The following COX8A variants were observed in gnomAD, a reference collection of about 807,000 sequenced individuals.
COX8A encodes cytochrome c oxidase subunit 8A.
A neutral mutation model predicts 4.4 loss-of-function variants in COX8A; 6 were observed. The ratio of observed to expected loss-of-function variants is 1.36; its 90% CI spans 0.74 to 2.68. The LOEUF is 2.68. Ranked by LOEUF, COX8A falls within the 30% of genes most tolerant of loss-of-function variation. The pLI, the probability that COX8A is intolerant of heterozygous loss-of-function variation, is 0.00. For synonymous variants in COX8A, 53 were observed against 47.1 expected, an observed-to-expected ratio of 1.12 and a Z score of -0.51; for missense variants, 72 against 89.6, an observed-to-expected ratio of 0.80 and a Z score of 0.79.
intron 1 of COX8A, among the ~76,000 whole-genome samples, chr11:63,975,826 C>G (rs1379005804): frequency 6.6e-6 from 1 of 151,660 alleles, no homozygotes; most frequent in Non-Finnish European, 1.5e-5. Flanking sequence ...GTGATCCGCC[C>G]GCCTTGGCCT....
rs1399125440 is a variant in COX8A, at chr11:63,976,477, T to C, written c.*157T>C. 1.5e-6 allele frequency: 1 copy of C among 649,098 alleles called. No individual in the cohort carries two copies. The highest frequency in any genetic ancestry group is 2.7e-6 in the Non-Finnish European group (1 of 371,536). The allele number at this position is 649,098 out of a possible 1,614,324, so 40.2% of individuals were successfully genotyped here. A position where few individuals can be genotyped will look rare whatever the true frequency, so the allele number is the denominator to read the frequency against. ...ACCTCTTGATGTCTCCATGGTGACC[T>C]CCTTGGGGGTCACTGACCCTGCTTG... On this transcript the variant is annotated 3_prime_UTR_variant, in exon 2 of 2. Coordinates refer to ENST00000314133, the MANE Select transcript of COX8A (RefSeq NM_004074.3).
chr11:63,974,653 C>T lies in COX8A; in HGVS notation c.-28C>T, dbSNP rs756789173. 4.4e-6 allele frequency: 7 copies of T among 1,580,482 alleles called. No homozygotes were observed. The highest frequency in any genetic ancestry group is 3.4e-5 in the South Asian group (3 of 87,520). On this transcript the variant is annotated 5_prime_UTR_variant, in exon 1 of 2. Transcript: ENST00000314133. ...TTCCTGACCTTGGGCTACGGCTGAC[C>T]GTTTTTTGTGGTGTACTCCGTGCCA...
Position 63,976,448 on chromosome 11 carries a change from C to T in COX8A, c.*128C>T, listed in dbSNP as rs1221018108. On this transcript the variant is annotated 3_prime_UTR_variant, in exon 2 of 2. Transcript: ENST00000314133. ...CAATTCCAGTCACCTCTTCTGCAAT[C>T]ATGACCTCTTGATGTCTCCATGGTG... 1.3e-5 allele frequency: 11 copies of T among 840,674 alleles called. No homozygotes were observed. The highest frequency in any genetic ancestry group is 2.1e-5 in the Admixed American group (1 of 48,512). The allele number at this position is 840,674 out of a possible 1,614,324, so 52.1% of individuals were successfully genotyped here. A position where few individuals can be genotyped will look rare whatever the true frequency, so the allele number is the denominator to read the frequency against.
intron 1 of COX8A, 139 bp downstream of exon 1, chr11:63,974,933 G>C (rs1323752259): frequency 1.3e-6 from 1 of 776,008 alleles, no homozygotes; most frequent in Non-Finnish European, 2.0e-6. Flanking sequence ...CATGTCTGGA[G>C]GGCGCGAACG....
At position 63,976,259 on chromosome 11, in the gene COX8A, C is replaced by G. The variant is rs1565181156; in HGVS notation, c.149C>G (p.Thr50Ser). The change falls in exon 2 of 2, where the codon ACC (threonine) becomes AGC (serine). Residue 50 changes from threonine (T) to serine (S), a missense_variant. Physicochemically the swap from Thr to Ser is moderately conservative, Grantham distance 58 (BLOSUM62 1). Transcript: ENST00000314133. ...GTTGGGCTTACCTCCTGCTTCGTGA[C>G]CTTCCTCCTGCCAGCGGGCTGGATC... ...LAVGLTSCFVTFLLPAGWILS... is the reference protein window; with the variant it reads ...LAVGLTSCFVSFLLPAGWILS... 6.2e-7 allele frequency: 1 copy of G among 1,614,062 alleles called. No homozygotes were observed. The highest frequency in any genetic ancestry group is 1.3e-5 in the African/African-American group (1 of 74,914).
At chr11:63,975,522 T>C (rs1942532527) in intron 1 of COX8A, among the ~76,000 whole-genome samples, 1 of 151,550 alleles carries the variant, frequency 6.6e-6, no homozygotes, top group East Asian at 2.0e-4. Context: ...CGTTTTGGAG[T>C]TACTGGCCCA....
chr11:63,974,635 C>T lies in COX8A; in HGVS notation c.-46C>T, dbSNP rs766632161. Reference sequence around the variant, plus strand: ...CAGCGCAGCCATTTTGGCTTCCTGACCTTGGGCTACGGCTGACCGTTTTTT... The same window carrying T: ...CAGCGCAGCCATTTTGGCTTCCTGATCTTGGGCTACGGCTGACCGTTTTTT... On this transcript the variant is annotated 5_prime_UTR_variant, in exon 1 of 2. Transcript: ENST00000314133. 8 of 1,551,604 alleles carry T rather than the reference C, an allele frequency of 5.2e-6. No homozygotes were observed. The highest frequency in any genetic ancestry group is 1.2e-5 in the South Asian group (1 of 85,422).
At position 63,976,329 on chromosome 11, in the gene COX8A, G is replaced by GT. The variant is rs1590772053; in HGVS notation, c.*11dup. ...ACAGGAGGCCAGAGTGAAGGGGTCC[G>GT]TTCTGTCCCTCACACTGTGACCTGA... On this transcript the variant is annotated 3_prime_UTR_variant, in exon 2 of 2. Transcript: ENST00000314133. The GT allele has an allele frequency of 6.2e-7, 1 of 1,612,862 alleles. No homozygotes were observed. The highest frequency in any genetic ancestry group is 8.5e-7 in the Non-Finnish European group (1 of 1,179,010).
intron 1 of COX8A, among the ~76,000 whole-genome samples, 198 bp from the exon 2 acceptor site, chr11:63,976,027 A>G (rs951738110): frequency 1.3e-5 from 2 of 151,970 alleles, no homozygotes; most frequent in East Asian, 3.9e-4. Context: ...CTTTACCTCA[A>G]GGGTTAGCGT....
rs1192673553 is a variant in COX8A at position 63,976,344 on chromosome 11, C to T, written c.*24C>T. Reference sequence around the variant, plus strand: ...GAAGGGGTCCGTTCTGTCCCTCACACTGTGACCTGACCAGCCCCACCGGCC... The same window carrying T: ...GAAGGGGTCCGTTCTGTCCCTCACATTGTGACCTGACCAGCCCCACCGGCC... On this transcript the variant is annotated 3_prime_UTR_variant, in exon 2 of 2. Coordinates refer to ENST00000314133, the MANE Select transcript of COX8A (RefSeq NM_004074.3). The T allele has an allele frequency of 6.2e-7, 1 of 1,607,052 alleles. No individual in the cohort carries two copies. Among genetic ancestry groups the T allele is most frequent in the Non-Finnish European group, 8.5e-7 (1 of 1,173,708 alleles).
At position 63,976,521 on chromosome 11, in the gene COX8A, C is replaced by G; in HGVS notation, c.*201C>G. On this transcript the variant is annotated 3_prime_UTR_variant, in exon 2 of 2. Transcript: ENST00000314133. ...CTGCTTGGTGGGGTCCCCCTTGTAA[C>G]AATAAAATCTATTTAAACTTTACTT... 1.7e-6 allele frequency: 1 copy of G among 583,170 alleles called. No homozygotes were observed. The highest frequency in any genetic ancestry group is 3.0e-5 in the Admixed American group (1 of 32,950). The allele number at this position is 583,170 out of a possible 1,614,324, so 36.1% of individuals were successfully genotyped here. A position where few individuals can be genotyped will look rare whatever the true frequency, so the allele number is the denominator to read the frequency against.
chr11:63,976,195 G>A (rs772970699), intron 1 of COX8A, 30 bp from the exon 2 acceptor site: 24 of 1,598,616 alleles, frequency 1.5e-5, no homozygotes, highest in Non-Finnish European at 4.3e-6. Context: ...TACTGACTCC[G>A]AGGTGCCTTC....
intron 1 of COX8A, 52 bp downstream of exon 1, chr11:63,974,846 T>A: frequency 6.9e-7 from 1 of 1,457,568 alleles, no homozygotes; most frequent in Non-Finnish European, 9.2e-7. Flanking sequence ...TGACCCCTTC[T>A]GCCTAGCTGA....
In COX8A at chr11:63,974,631, C is replaced by T. The variant is rs1348197394; in HGVS notation, c.-50C>T. The T allele has an allele frequency of 7.8e-6, 12 of 1,545,682 alleles. No homozygotes were observed. Among genetic ancestry groups the T allele is most frequent in the Admixed American group, 1.9e-5 (1 of 51,812 alleles). Reference sequence around the variant, plus strand: ...CGGCCAGCGCAGCCATTTTGGCTTCCTGACCTTGGGCTACGGCTGACCGTT... The same window carrying T: ...CGGCCAGCGCAGCCATTTTGGCTTCTTGACCTTGGGCTACGGCTGACCGTT... On this transcript the variant is annotated 5_prime_UTR_variant, in exon 1 of 2. Coordinates refer to ENST00000314133, the MANE Select transcript of COX8A (RefSeq NM_004074.3).
intron 1 of COX8A, among the ~76,000 whole-genome samples, chr11:63,975,576 TTTG>T (rs1281548975): frequency 6.6e-6 from 1 of 151,284 alleles, no homozygotes; most frequent in East Asian, 2.0e-4. Flanking sequence ...GCTTTTTTTG[TTTG>T]TTGTTTGTTT....
Position 63,974,727 on chromosome 11 carries a change from C to T in COX8A, c.47C>T (p.Ala16Val), listed in dbSNP as rs1942523621. The T allele has an allele frequency of 6.2e-7, 1 of 1,607,824 alleles. No individual in the cohort carries two copies. The highest frequency in any genetic ancestry group is 8.5e-7 in the Non-Finnish European group (1 of 1,177,562). ...CTGCTGCGGGGCTTGACAGGCTCGG[C>T]CCGGCGGCTCCCAGTGCCGCGCGCC... Reference protein sequence around the residue: ...PLLLRGLTGSARRLPVPRAKI... With the variant: ...PLLLRGLTGSVRRLPVPRAKI... Residue 16 changes from alanine to valine, a missense_variant, in exon 1 of 2, where the codon GCC becomes GTC. Physicochemically the swap from Ala to Val is moderately conservative, Grantham distance 64 (BLOSUM62 0). Coordinates refer to ENST00000314133, the MANE Select transcript of COX8A (RefSeq NM_004074.3).
At chr11:63,974,826 C>A (rs755016237) in intron 1 of COX8A, 32 bp downstream of exon 1, 1 of 1,540,258 alleles carries the variant, frequency 6.5e-7, no homozygotes, top group Non-Finnish European at 8.8e-7. Flanking sequence ...GCGCGGGAGG[C>A]GCCGTGGGCT....
chr11:63,974,857 C>A, intron 1 of COX8A, 63 bp downstream of exon 1: 1 of 1,395,366 alleles, frequency 7.2e-7, no homozygotes, highest in Non-Finnish European at 9.6e-7. Flanking sequence ...GCCTAGCTGA[C>A]CTCAGGTGGT....
At position 63,974,763 on chromosome 11, in the gene COX8A, C is replaced by A. The variant is rs780158354; in HGVS notation, c.83C>A (p.Ser28Ter). 6.2e-7 allele frequency: 1 copy of A among 1,608,152 alleles called. No individual in the cohort carries two copies. Among genetic ancestry groups the A allele is most frequent in the Admixed American group, 1.7e-5 (1 of 59,040 alleles). ...RLPVPRAKIH[S>*]LPPEGKLGIM... is the part of the protein sequence containing the mutation. ...CCAGTGCCGCGCGCCAAGATCCATT[C>A]GTTGCCGCCGGAGGGGAAGCTTGGG... Residue 28 changes from serine to a stop codon, truncating the protein, a stop_gained, in exon 1 of 2, where the codon TCG becomes TAG. Coordinates refer to ENST00000314133, the MANE Select transcript of COX8A (RefSeq NM_004074.3). LOFTEE classifies it high-confidence loss of function.
Sources: allele counts gnomAD v4.1 joint callset (sites outside exome capture counted in the v4.1 genomes callset), GRCh38; gene constraint gnomAD v4.1.1; transcripts MANE v1.5; gene names NCBI Gene and HGNC (gene_info 2026-07-23, HGNC 2026-07-21).